TFAP2D: variants seen among roughly 807,000 people sequenced by gnomAD.
TFAP2D encodes the protein transcription factor AP-2-delta.
Under a neutral mutation model 43.6 loss-of-function variants are expected in TFAP2D, and 9 were observed. The ratio of observed to expected loss-of-function variants is 0.21; its 90% confidence interval spans 0.12 to 0.36. TFAP2D has a LOEUF of 0.36. TFAP2D is among the 10% of genes least tolerant of loss of function. TFAP2D has a pLI of 1.00. For synonymous variants in TFAP2D, 256 were observed against 224.9 expected (o/e 1.14, Z -1.24); for missense variants, 513 against 561.4 (o/e 0.91, Z 0.87).
chr6:50,729,353 G>A, intron 5 of TFAP2D, 41 bp downstream of exon 5: 1 of 1,550,486 alleles, frequency 6.4e-7, no homozygotes, highest in Non-Finnish European at 8.9e-7. Flanking sequence ...TGGAAGGTTG[G>A]CGTGTCTTTG....
At chr6:50,772,563 C>T in intron 7 of TFAP2D, 82 bp from the exon 8 acceptor site, 1 of 1,238,496 alleles carries the variant, frequency 8.1e-7, no homozygotes, top group Admixed American at 1.8e-5. Context: ...ATTGAATGTT[C>T]TGAATTATAT....
At chr6:50,735,341 A>ACTTT (rs1768947426) in intron 5 of TFAP2D, among the ~76,000 whole-genome samples, 3 of 152,162 alleles carry the variant, frequency 2.0e-5, no homozygotes, top group Non-Finnish European at 4.4e-5. Context: ...TAACTAAAGT[A>ACTTT]AAACTCACGG....
At chr6:50,761,814 C>A (rs532646157) in intron 7 of TFAP2D, among the ~76,000 whole-genome samples, 2 of 151,984 alleles carry the variant, frequency 1.3e-5, no homozygotes, top group African/African-American at 4.8e-5. Flanking sequence ...TAAAATAGCT[C>A]TTATTCCTCT....
rs1769126241 is a variant in TFAP2D at position 50,746,434 on chromosome 6, T to G, written c.1025+1186T>G. 1.3e-5 allele frequency among the ~76,000 whole-genome samples: 2 copies of G among 152,042 alleles called. 1 individual carries two copies. The highest frequency in any genetic ancestry group is 3.9e-4 in the East Asian group (2 of 5,160). ...TGTATTTTTTATAAAGATGCATTTTTGCCATGTTGCCCAGGCTGGTCTCAA... is the reference window on the plus strand; with the variant it reads ...TGTATTTTTTATAAAGATGCATTTTGGCCATGTTGCCCAGGCTGGTCTCAA... On this transcript the variant is annotated intron_variant, in intron 6 of 7. Transcript: ENST00000008391.
chr6:50,720,725 T>C (rs531607744), intron 3 of TFAP2D, among the ~76,000 whole-genome samples: 1 of 152,088 alleles, frequency 6.6e-6, no homozygotes, highest in Non-Finnish European at 1.5e-5. Context: ...GATGTGCTGA[T>C]CAGGGGTCTG....
chr6:50,757,836 T>C (rs924520963), intron 7 of TFAP2D, among the ~76,000 whole-genome samples: 1 of 132,042 alleles, frequency 7.6e-6, no homozygotes, highest in Non-Finnish European at 1.6e-5. Flanking sequence ...TAATTATATA[T>C]ATAAATATAT....
chr6:50,772,910 T>A lies in TFAP2D; in HGVS notation c.*46T>A. 6.6e-7 allele frequency: 1 copy of A among 1,523,910 alleles called. No homozygotes were observed. The highest frequency in any genetic ancestry group is 8.9e-7 in the Non-Finnish European group (1 of 1,121,620). The allele number at this position is 1,523,910 out of a possible 1,614,324, so 94.4% of individuals were successfully genotyped here. A position where few individuals can be genotyped will look rare whatever the true frequency, so the allele number is the denominator to read the frequency against. ...TTCCAGAGAGTCTTGCTGCTGATAT[T>A]TTTTCTAATATATATATCATTGAGG... is the stretch of plus-strand genomic sequence containing the variant. On this transcript the variant is annotated 3_prime_UTR_variant, in exon 8 of 8. Coordinates refer to ENST00000008391, the MANE Select transcript of TFAP2D (RefSeq NM_172238.4).
intron 2 of TFAP2D, among the ~76,000 whole-genome samples, chr6:50,716,096 C>T (rs1041564407): frequency 6.6e-6 from 1 of 152,146 alleles, no homozygotes; most frequent in African/African-American, 2.4e-5. Flanking sequence ...TCAGACTGAG[C>T]TTGTGGAGAT....
chr6:50,730,390 G>A (rs936857274), intron 5 of TFAP2D, among the ~76,000 whole-genome samples: 1 of 152,010 alleles, frequency 6.6e-6, no homozygotes, highest in Non-Finnish European at 1.5e-5. Flanking sequence ...GACATTTACT[G>A]TGTTACTATT....
chr6:50,731,807 C>T (rs1768898566), intron 5 of TFAP2D, among the ~76,000 whole-genome samples: 1 of 151,950 alleles, frequency 6.6e-6, no homozygotes. Context: ...GACTCCTTTC[C>T]AGCCAGCAAG....
At chr6:50,745,029 G>T in intron 5 of TFAP2D, 78 bp from the exon 6 acceptor site, 19 of 1,552,478 alleles carry the variant, frequency 1.2e-5, no homozygotes, top group Non-Finnish European at 1.7e-5. Context: ...CAGGAGTGAG[G>T]CTTGAGCAAA....
At chr6:50,745,281 C>T (rs1274304597) in intron 6 of TFAP2D, 33 bp downstream of exon 6, 1 of 1,603,118 alleles carries the variant, frequency 6.2e-7, no homozygotes, top group African/African-American at 1.4e-5. Flanking sequence ...TGTGTGCTTT[C>T]ATCTTCAGTA....
chr6:50,740,875 A>G (rs1353348806), intron 5 of TFAP2D, among the ~76,000 whole-genome samples: 1 of 152,162 alleles, frequency 6.6e-6, no homozygotes, highest in East Asian at 1.9e-4. Flanking sequence ...CTTAAAAAAC[A>G]TTTTGCCATT....
intron 3 of TFAP2D, among the ~76,000 whole-genome samples, chr6:50,727,707 A>G (rs1768828966): frequency 6.6e-6 from 1 of 152,148 alleles, no homozygotes; most frequent in Non-Finnish European, 1.5e-5. Context: ...GGGTTGTAAG[A>G]TTGACCCTAG....
intron 3 of TFAP2D, 102 bp from the exon 4 acceptor site, chr6:50,728,754 A>G (rs1768842973): frequency 1.7e-6 from 2 of 1,157,374 alleles, no homozygotes; most frequent in South Asian, 2.9e-5. Flanking sequence ...AACTGTTAGC[A>G]TGTATTCCCA....
intron 3 of TFAP2D, among the ~76,000 whole-genome samples, chr6:50,724,052 C>T (rs764551032): frequency 6.6e-6 from 1 of 152,102 alleles, no homozygotes; most frequent in East Asian, 1.9e-4. Context: ...CCAATTAAGT[C>T]CGCATCCTTT....
At position 50,773,012 on chromosome 6, in the gene TFAP2D, G is replaced by T. The variant is rs1769558394; in HGVS notation, c.*148G>T. ...AAAAACAAAAATGGAAATGAAAAATGAAACAAAAAAGGACAAAACCAAAAA... is the reference window on the plus strand; with the variant it reads ...AAAAACAAAAATGGAAATGAAAAATTAAACAAAAAAGGACAAAACCAAAAA... On this transcript the variant is annotated 3_prime_UTR_variant, in exon 8 of 8. Transcript: ENST00000008391. The T allele has an allele frequency of 6.4e-6, 4 of 620,414 alleles. No homozygotes were observed. Among genetic ancestry groups the T allele is most frequent in the Non-Finnish European group, 9.6e-6 (4 of 418,056 alleles). The allele number at this position is 620,414 out of a possible 1,614,324, so 38.4% of individuals were successfully genotyped here. A position where few individuals can be genotyped will look rare whatever the true frequency, so the allele number is the denominator to read the frequency against.
intron 7 of TFAP2D, among the ~76,000 whole-genome samples, chr6:50,765,733 T>C (rs1769432657): frequency 6.6e-6 from 1 of 152,134 alleles, no homozygotes; most frequent in East Asian, 1.9e-4. Flanking sequence ...CCTATTGAGT[T>C]GCATGAGCTC....
intron 3 of TFAP2D, among the ~76,000 whole-genome samples, chr6:50,721,688 C>A: frequency 6.6e-6 from 1 of 152,180 alleles, no homozygotes; most frequent in Non-Finnish European, 1.5e-5. Flanking sequence ...TTCATATAAC[C>A]CGATACTGTC....
Sources: allele counts gnomAD v4.1 joint callset (sites outside exome capture counted in the v4.1 genomes callset), GRCh38; gene constraint gnomAD v4.1.1; transcripts MANE v1.5; gene names NCBI Gene and HGNC (gene_info 2026-07-23, HGNC 2026-07-21).